Variants in KIF26B observed in about 807,000 individuals in gnomAD.
KIF26B encodes the protein kinesin-like protein KIF26B.
KIF26B carries 63 observed loss-of-function variants against 151.2 expected under a neutral mutation model. The observed-to-expected ratio is 0.42, with a 90% CI of 0.34 to 0.51. The LOEUF (loss-of-function observed/expected upper bound fraction) is 0.51. Ranked by LOEUF, KIF26B falls within the 20% of genes least tolerant of loss-of-function variation. The pLI is 0.07. For synonymous variants in KIF26B, 1,357 were observed against 1,262.1 expected (o/e 1.08, Z -1.59); for missense variants, 2,813 against 2,913.6 (o/e 0.97, Z 0.79).
chr1:245,258,459 C>T (rs896943715), intron 2 of KIF26B, among the ~76,000 whole-genome samples: 9 of 152,174 alleles, frequency 5.9e-5, no homozygotes, highest in African/African-American at 1.9e-4. Flanking sequence ...TGCTGAATGC[C>T]GTGGGCAAAC....
intron 2 of KIF26B, among the ~76,000 whole-genome samples, chr1:245,297,292 G>A (rs985644301): frequency 3.2e-4 from 48 of 152,188 alleles, no homozygotes; most frequent in Non-Finnish European, 2.6e-4. Context: ...GCAATGAGCC[G>A]AGATCACGTC....
intron 2 of KIF26B, among the ~76,000 whole-genome samples, chr1:245,161,240 T>C (rs2103517434): frequency 6.6e-6 from 1 of 152,342 alleles, no homozygotes; most frequent in South Asian, 2.1e-4. Context: ...AGGAGAGACA[T>C]GTGAGCAGTA....
At chr1:245,243,766 G>A (rs148679208) in intron 2 of KIF26B, among the ~76,000 whole-genome samples, 11,889 of 152,018 alleles carry the variant, frequency 0.078, 603 homozygotes, top group Middle Eastern at 0.13. Flanking sequence ...CAGGAGAATC[G>A]CTTGAACCTG....
intron 3 of KIF26B, among the ~76,000 whole-genome samples, chr1:245,404,545 A>G (rs1438224089): frequency 2.0e-5 from 3 of 152,176 alleles, no homozygotes; most frequent in African/African-American, 7.2e-5. Context: ...ATAAAGTTCT[A>G]ACAAGTGGAA....
At chr1:245,581,521 G>T (rs561143288) in intron 5 of KIF26B, among the ~76,000 whole-genome samples, 2 of 152,062 alleles carry the variant, frequency 1.3e-5, no homozygotes, top group African/African-American at 4.8e-5. Context: ...CTATTCTCTC[G>T]CCTGGACATA....
intron 11 of KIF26B, 92 bp from the exon 12 acceptor site, chr1:245,685,313 G>T: frequency 9.0e-7 from 1 of 1,105,848 alleles, no homozygotes. Context: ...AGCCTGTGTC[G>T]TCAGGGGCCT....
Position 245,327,016 on chromosome 1 carries a change from A to T in KIF26B, c.466-39818A>T, listed in dbSNP as rs576020614. 4.6e-5 allele frequency among the ~76,000 whole-genome samples: 7 copies of T among 152,320 alleles called. No individual in the cohort carries two copies. The South Asian group carries it at 1.5e-3, about 32-fold the overall frequency. On this transcript the variant is annotated intron_variant, in intron 2 of 14. Transcript: ENST00000407071. ...TTTTCCTACTCCTTACCATCTGAAG[A>T]ACTGAAAAAATTATTCCAGGTTCAG...
intron 2 of KIF26B, among the ~76,000 whole-genome samples, chr1:245,288,882 A>G (rs1671209548): frequency 6.6e-6 from 1 of 152,148 alleles, no homozygotes. Flanking sequence ...AGTTCAAGGA[A>G]GGGAGTTTTT....
intron 2 of KIF26B, among the ~76,000 whole-genome samples, chr1:245,314,970 C>T (rs61281097): frequency 5.3e-5 from 8 of 151,952 alleles, no homozygotes; most frequent in East Asian, 1.9e-4. Context: ...CACCTGAGGT[C>T]GGGAGTTGGA....
At chr1:245,665,467 G>C (rs2044202244) in intron 10 of KIF26B, among the ~76,000 whole-genome samples, 1 of 152,138 alleles carries the variant, frequency 6.6e-6, no homozygotes, top group Admixed American at 6.5e-5. Flanking sequence ...TTGACAGGCA[G>C]CAAAGAGAGA....
At chr1:245,497,153 CAAAA>C (rs35741176) in intron 4 of KIF26B, among the ~76,000 whole-genome samples, 4,760 of 101,106 alleles carry the variant, frequency 0.047, 128 homozygotes, top group Non-Finnish European at 0.072. Flanking sequence ...AACTCCATCT[CAAAA>C]AAAAAAAAAA....
chr1:245,332,735 G>A (rs6679455), intron 2 of KIF26B, among the ~76,000 whole-genome samples: 2 of 152,076 alleles, frequency 1.3e-5, no homozygotes, highest in African/African-American at 2.4e-5. Context: ...GTTTGCTGGC[G>A]CCCAGCACTA....
chr1:245,655,732 A>G (rs1223538883), intron 10 of KIF26B, among the ~76,000 whole-genome samples: 1 of 152,230 alleles, frequency 6.6e-6, no homozygotes, highest in Non-Finnish European at 1.5e-5. Flanking sequence ...ACGGCCTTTA[A>G]ATGCAAGCCG....
At chr1:245,656,187 CTG>C (rs1356667527) in intron 10 of KIF26B, among the ~76,000 whole-genome samples, 6 of 152,098 alleles carry the variant, frequency 3.9e-5, no homozygotes, top group Non-Finnish European at 7.3e-5. Flanking sequence ...CACCGAGTAA[CTG>C]ATAATATACG....
At chr1:245,574,864 C>CTTTTTTTTTTTTTTTTT (rs201010492) in intron 5 of KIF26B, among the ~76,000 whole-genome samples, 56 of 126,262 alleles carry the variant, frequency 4.4e-4, no homozygotes, top group Non-Finnish European at 7.6e-4. Flanking sequence ...TTTTTTTTTT[C>CTTTTTTTTTTTTTTTTT]TTTTTTTTTT....
chr1:245,427,498 C>T (rs529826870), intron 4 of KIF26B, among the ~76,000 whole-genome samples: 6 of 152,262 alleles, frequency 3.9e-5, no homozygotes, highest in African/African-American at 1.4e-4. Context: ...ATCCCGTCTA[C>T]TTGGGAGGCT....
chr1:245,640,016 G>A (rs945141099), intron 9 of KIF26B, among the ~76,000 whole-genome samples: 3 of 149,786 alleles, frequency 2.0e-5, no homozygotes, highest in African/African-American at 7.4e-5. Context: ...TTTCTTTGTT[G>A]ATTTTTCTGC....
chr1:245,191,829 A>G lies in KIF26B; in HGVS notation c.465+35146A>G, dbSNP rs188173634. Among the ~76,000 whole-genome samples the G allele has an allele frequency of 5.9e-5, 9 of 152,362 alleles. No homozygotes were observed. In the East Asian group the frequency reaches 1.3e-3, roughly 23 times the overall value. On this transcript the variant is annotated intron_variant, in intron 2 of 14. Coordinates refer to ENST00000407071, the MANE Select transcript of KIF26B (RefSeq NM_018012.4). Reference sequence around the variant, plus strand: ...GGGAAACAAACACACATGGCTACCAAACGCAAGAAAAATTGTTCAACTTCA... The same window carrying G: ...GGGAAACAAACACACATGGCTACCAGACGCAAGAAAAATTGTTCAACTTCA...
At chr1:245,484,793 A>C (rs1411883104) in intron 4 of KIF26B, among the ~76,000 whole-genome samples, 18 of 145,254 alleles carry the variant, frequency 1.2e-4, no homozygotes, top group South Asian at 2.2e-4. Flanking sequence ...TATTATTATT[A>C]TTCTTTTAAT....
Sources: allele counts gnomAD v4.1 joint callset (sites outside exome capture counted in the v4.1 genomes callset), GRCh38; gene constraint gnomAD v4.1.1; transcripts MANE v1.5; gene names NCBI Gene and HGNC (gene_info 2026-07-23, HGNC 2026-07-21).